The following TERB1 variants were observed in gnomAD, a reference collection of about 807,000 sequenced individuals.
The protein encoded by TERB1 is telomere repeat binding bouquet formation protein 1, also known as telomere repeats-binding bouquet formation protein 1.
TERB1 carries 63 observed loss-of-function variants against 92.3 expected under a neutral mutation model. The observed-to-expected ratio is 0.68, with a 90% CI of 0.56 to 0.84. TERB1 has a LOEUF of 0.84. Ranked by LOEUF, TERB1 falls within the 40% of genes least tolerant of loss-of-function variation. TERB1 has a pLI of 0.00. For missense variants in TERB1, 709 were observed against 843.7 expected, an observed-to-expected ratio of 0.84 and a Z score of 1.98; for synonymous variants, 252 against 283.9, an observed-to-expected ratio of 0.89 and a Z score of 1.13.
Position 66,772,601 on chromosome 16 carries a change from T to C in TERB1, c.1260A>G (p.Arg420=), listed in dbSNP as rs2018470264. 1.3e-6 allele frequency: 2 copies of C among 1,541,314 alleles called. No homozygotes were observed. Among genetic ancestry groups the C allele is most frequent in the Non-Finnish European group, 8.7e-7 (1 of 1,144,648 alleles). The change falls in exon 13 of 19, where the codon AGA becomes AGG. Residue 420 remains arginine (R), a synonymous_variant. Transcript: ENST00000433154. ...EILHRIEQLE[R]EGNEEEIQRE... ...CAAAGAATCCAACCTCATTTCCTTC[T>C]CTTTCAAGCTGTTCTATTCTGTGTA... is the stretch of plus-strand genomic sequence containing the variant.
intron 9 of TERB1, among the ~76,000 whole-genome samples, chr16:66,783,980 G>T (rs1421147555): frequency 6.6e-6 from 1 of 152,174 alleles, no homozygotes; most frequent in Non-Finnish European, 1.5e-5. Context: ...GGTGAGCTTT[G>T]TTTGGTAGTT....
chr16:66,790,874 A>G, intron 4 of TERB1, 35 bp downstream of exon 4: 1 of 1,454,946 alleles, frequency 6.9e-7, no homozygotes, highest in Non-Finnish European at 9.4e-7. Flanking sequence ...CTAAAGAACT[A>G]GAATCACAGA....
chr16:66,783,045 G>C, intron 9 of TERB1, among the ~76,000 whole-genome samples: 1 of 151,952 alleles, frequency 6.6e-6, no homozygotes, highest in East Asian at 1.9e-4. Context: ...GTAGATACAG[G>C]GTCTTTCTAT....
At position 66,767,420 on chromosome 16, in the gene TERB1, C is replaced by T. The variant is rs1056107219; in HGVS notation, c.1775G>A (p.Cys592Tyr). The T allele has an allele frequency of 4.9e-5, 73 of 1,502,902 alleles. No individual in the cohort carries two copies. Among genetic ancestry groups the T allele is most frequent in the Non-Finnish European group, 6.2e-5 (69 of 1,119,416 alleles). 93.1% of individuals were successfully genotyped at this position (1,502,902 alleles called of 1,614,324 possible). A position where few individuals can be genotyped will look rare whatever the true frequency, so the allele number is the denominator to read the frequency against. ...PSCSEMLTYR[C>Y]SGCIAVEKSL... ...GCAATTAAAAAAATACTTACCTGAG[C>T]ACCTATACGTCAACATTTCGGAACA... The change falls in exon 16 of 19, where the codon TGC (cysteine) becomes TAC (tyrosine). Residue 592 changes from cysteine (C) to tyrosine (Y), a missense_variant. By Grantham distance (194) the Cys-to-Tyr change is radical (BLOSUM62 -2). Coordinates refer to ENST00000433154, the MANE Select transcript of TERB1 (RefSeq NM_001136505.2).
At position 66,755,047 on chromosome 16, in the gene TERB1, C is replaced by T; in HGVS notation, c.2113G>A (p.Gly705Arg). 2 of 1,551,704 alleles carry T rather than the reference C, an allele frequency of 1.3e-6. No homozygotes were observed. Among genetic ancestry groups the T allele is most frequent in the South Asian group, 1.2e-5 (1 of 84,068 alleles). The change falls in exon 19 of 19, where the codon GGA (glycine) becomes AGA (arginine). Residue 705 changes from glycine to arginine, a missense_variant. By Grantham distance (125) the Gly-to-Arg change is moderately radical (BLOSUM62 -2). Transcript: ENST00000433154. ...SILWSFPFQQGRKAVDLAHKY... is the reference protein window; with the variant it reads ...SILWSFPFQQRRKAVDLAHKY... Reference sequence around the variant, plus strand: ...TGAGCAAGGTCCACAGCCTTCCGTCCTTGCTGAAAGGGGAAAGACCACAAA... The same window carrying T: ...TGAGCAAGGTCCACAGCCTTCCGTCTTTGCTGAAAGGGGAAAGACCACAAA...
intron 16 of TERB1, among the ~76,000 whole-genome samples, chr16:66,761,465 A>AG (rs1555507528): frequency 4.8e-4 from 72 of 149,096 alleles, no homozygotes; most frequent in Non-Finnish European, 5.0e-4. Context: ...AAAAAAAAAA[A>AG]AAAGAAAGAA....
chr16:66,755,277 G>C (rs2018118663), intron 18 of TERB1, 114 bp from the exon 19 acceptor site: 3 of 676,078 alleles, frequency 4.4e-6, no homozygotes, highest in Non-Finnish European at 2.4e-6. Flanking sequence ...ACTACAGAGT[G>C]AGAAATGCCA....
chr16:66,760,130 C>CAAAAAAAAAAAAAA (rs148772308), intron 16 of TERB1, among the ~76,000 whole-genome samples: 4 of 23,376 alleles, frequency 1.7e-4, no homozygotes, highest in East Asian at 1.0e-3. Context: ...GACTCCATCT[C>CAAAAAAAAAAAAAA]AAAAAAAAAA....
chr16:66,775,365 G>A, intron 11 of TERB1, 122 bp from the exon 12 acceptor site: 1 of 858,282 alleles, frequency 1.2e-6, no homozygotes, highest in African/African-American at 1.7e-5. Context: ...CAGGAACGGT[G>A]GCTCACTCTT....
At chr16:66,784,774 G>A (rs1232164363) in intron 9 of TERB1, among the ~76,000 whole-genome samples, 8 of 135,524 alleles carry the variant, frequency 5.9e-5, no homozygotes, top group South Asian at 4.7e-4. Flanking sequence ...TTTTTGAAAC[G>A]GAGTCTCATT....
At chr16:66,765,865 T>A (rs1422202491) in intron 16 of TERB1, among the ~76,000 whole-genome samples, 2 of 124,618 alleles carry the variant, frequency 1.6e-5, no homozygotes, top group Non-Finnish European at 1.7e-5. Context: ...TTTTTTTTTT[T>A]TTTTTTTTTT....
chr16:66,790,436 A>G (rs1297580371), intron 5 of TERB1, among the ~76,000 whole-genome samples, 159 bp downstream of exon 5: 1 of 149,780 alleles, frequency 6.7e-6, no homozygotes, highest in Non-Finnish European at 1.5e-5. Context: ...GGAAAGAGAG[A>G]GAAAGAGAGA....
intron 6 of TERB1, among the ~76,000 whole-genome samples, chr16:66,787,705 C>T (rs918915358): frequency 1.3e-5 from 2 of 152,192 alleles, no homozygotes; most frequent in Non-Finnish European, 2.9e-5. Flanking sequence ...CTAAGTACTA[C>T]AAATTACTTT....
chr16:66,794,916 A>ACAC (rs1182336404), intron 3 of TERB1, among the ~76,000 whole-genome samples: 25 of 91,072 alleles, frequency 2.7e-4, no homozygotes, highest in East Asian at 2.2e-3. Flanking sequence ...TCTCAAAAAA[A>ACAC]AAAAAAACAC....
chr16:66,773,943 G>A (rs1288479043), intron 12 of TERB1, among the ~76,000 whole-genome samples: 1 of 150,446 alleles, frequency 6.6e-6, no homozygotes, highest in Non-Finnish European at 1.5e-5. Context: ...GCAGTGGCAC[G>A]ATCTTGGCTC....
chr16:66,766,197 T>C (rs1467505458), intron 16 of TERB1, among the ~76,000 whole-genome samples: 1 of 151,628 alleles, frequency 6.6e-6, no homozygotes, highest in African/African-American at 2.4e-5. Flanking sequence ...TGAGGAAAAA[T>C]GAGCATAGTT....
At chr16:66,768,745 C>A (rs1004465306) in intron 14 of TERB1, among the ~76,000 whole-genome samples, 8 of 152,048 alleles carry the variant, frequency 5.3e-5, no homozygotes, top group African/African-American at 1.9e-4. Context: ...GTAGGAGCTA[C>A]TACATAGGAG....
intron 9 of TERB1, among the ~76,000 whole-genome samples, chr16:66,779,378 G>C (rs938198115): frequency 2.6e-5 from 4 of 152,086 alleles, no homozygotes; most frequent in Non-Finnish European, 5.9e-5. Context: ...TAGGCAGATT[G>C]CTTGAGTCAG....
intron 16 of TERB1, among the ~76,000 whole-genome samples, chr16:66,763,002 A>G (rs2018278147): frequency 6.6e-6 from 1 of 151,912 alleles, no homozygotes; most frequent in South Asian, 2.1e-4. Flanking sequence ...CTTTTTGTAA[A>G]CAGATAAAAC....
Sources: gnomAD v4.1 joint callset for allele counts (sites outside exome capture counted in the v4.1 genomes callset) on GRCh38, gnomAD v4.1.1 for gene constraint, MANE v1.5 for transcripts, NCBI Gene and HGNC (gene_info 2026-07-23, HGNC 2026-07-21) for gene names.